The following STAB2 variants were observed in gnomAD, a reference collection of about 807,000 sequenced individuals.
STAB2 encodes stabilin 2.
Under a neutral mutation model 338.1 loss-of-function variants are expected in STAB2, and 288 were observed. The ratio of observed to expected loss-of-function variants is 0.85; its 90% CI spans 0.77 to 0.94. The LOEUF (loss-of-function observed/expected upper bound fraction) is 0.94, where lower values mean the gene tolerates loss of function less well. Among genes scored for constraint, STAB2 ranks in the 40% least tolerant of loss-of-function variants. STAB2 has a pLI of 0.00. For missense variants in STAB2, 3,141 were observed against 3,210.1 expected (o/e 0.98, Z 0.52); for synonymous variants, 1,202 against 1,193.3 (o/e 1.01, Z -0.15).
intron 36 of STAB2, 70 bp from the exon 37 acceptor site, chr12:103,705,562 C>A: frequency 7.6e-7 from 1 of 1,323,056 alleles, no homozygotes; most frequent in Non-Finnish European, 1.1e-6. Context: ...CATCACCCAC[C>A]TACTTGCTTT....
chr12:103,596,789 C>T (rs10861044), intron 3 of STAB2, among the ~76,000 whole-genome samples: 48,732 of 151,666 alleles, frequency 0.32, 9,952 homozygotes, highest in African/African-American at 0.58. Flanking sequence ...TCCACATCTA[C>T]AACCAAAAGA....
chr12:103,655,043 G>A (rs1874075273), intron 13 of STAB2, among the ~76,000 whole-genome samples: 1 of 152,162 alleles, frequency 6.6e-6, no homozygotes, highest in African/African-American at 2.4e-5. Flanking sequence ...AGATGATGAG[G>A]GCCAAAGGAT....
intron 1 of STAB2, among the ~76,000 whole-genome samples, chr12:103,588,303 G>A (rs1239527608): frequency 6.6e-6 from 1 of 152,188 alleles, no homozygotes; most frequent in African/African-American, 2.4e-5. Context: ...ATGGCTAAGT[G>A]CTCCAGCTTT....
At position 103,763,578 on chromosome 12, in the gene STAB2, TC is replaced by T; in HGVS notation, c.7580del (p.Pro2527GlnfsTer22). 6.2e-7 allele frequency: 1 copy of T among 1,613,998 alleles called. No homozygotes were observed. The highest frequency in any genetic ancestry group is 1.1e-5 in the South Asian group (1 of 91,068). On this transcript the variant is annotated frameshift_variant, in exon 68 of 69. Transcript: ENST00000388887. LOFTEE classifies it low-confidence loss of function (END_TRUNC). ...NPLYESTTSA[P>X]PEPSYDPFTD... Reference sequence around the variant, plus strand: ...CCTTGTATGAGAGCACAACCTCAGCTCCCCCAGAACCTTCCTACGACCCCTT... The same window carrying T: ...CCTTGTATGAGAGCACAACCTCAGCTCCCCAGAACCTTCCTACGACCCCTT...
At chr12:103,603,452 C>G (rs922017568) in intron 3 of STAB2, among the ~76,000 whole-genome samples, 3 of 152,150 alleles carry the variant, frequency 2.0e-5, no homozygotes, top group African/African-American at 7.2e-5. Context: ...AAAACTCCAG[C>G]AACATTTCTT....
At position 103,703,128 on chromosome 12, in the gene STAB2, T is replaced by C. The variant is rs759056470; in HGVS notation, c.3715-20T>C. 1.6e-5 allele frequency: 26 copies of C among 1,607,450 alleles called. No homozygotes were observed. The highest frequency in any genetic ancestry group is 2.2e-5 in the East Asian group (1 of 44,858). ...TCTTTAAATGTCATAAAAAGTGACA[T>C]TTAACCCTGTTGTTCACAGCTCTAT... is the stretch of plus-strand genomic sequence containing the variant. On this transcript the variant is annotated intron_variant, in intron 34 of 68. Transcript: ENST00000388887.
rs750426162 is a variant in STAB2, at chr12:103,749,100, G to A, written c.6382G>A (p.Ala2128Thr). 8 of 1,613,794 alleles carry A rather than the reference G, an allele frequency of 5.0e-6. No homozygotes were observed. The East Asian group carries it at 8.9e-5, about 18-fold the overall frequency. Residue 2128 changes from alanine (A) to threonine (T), a missense_variant, in exon 59 of 69, where the codon GCA (alanine) becomes ACA (threonine). Transcript: ENST00000388887. Reference sequence around the variant, plus strand: ...CAGCTGCACAGAGATAGACCCCTGTGCAGACGGCCTTAACGGAGGGTGTCA... The same window carrying A: ...CAGCTGCACAGAGATAGACCCCTGTACAGACGGCCTTAACGGAGGGTGTCA... The part of the protein sequence containing the change: ...GHSCTEIDPC[A>T]DGLNGGCHEH...
chr12:103,601,981 A>C (rs1467401607), intron 3 of STAB2, among the ~76,000 whole-genome samples: 2 of 152,190 alleles, frequency 1.3e-5, no homozygotes, highest in African/African-American at 4.8e-5. Flanking sequence ...ATTTATTATC[A>C]TGATTTGCAT....
intron 21 of STAB2, among the ~76,000 whole-genome samples, chr12:103,670,414 C>T (rs1307283244): frequency 3.3e-5 from 5 of 152,180 alleles, no homozygotes; most frequent in Admixed American, 6.5e-5. Flanking sequence ...AGGCCCCTGT[C>T]TTATCACTTA....
intron 60 of STAB2, among the ~76,000 whole-genome samples, chr12:103,751,599 G>T (rs972741319): frequency 2.6e-5 from 4 of 152,166 alleles, no homozygotes; most frequent in Non-Finnish European, 5.9e-5. Flanking sequence ...ATGGGCAGTT[G>T]CTACTTAGCA....
chr12:103,752,400 T>C (rs1883745556), intron 60 of STAB2, among the ~76,000 whole-genome samples: 1 of 152,164 alleles, frequency 6.6e-6, no homozygotes, highest in African/African-American at 2.4e-5. Context: ...AAAAACTTAG[T>C]CTTCTTTGGT....
chr12:103,638,795 G>A (rs570003148), intron 8 of STAB2, among the ~76,000 whole-genome samples: 6 of 152,194 alleles, frequency 3.9e-5, no homozygotes, highest in East Asian at 1.9e-4. Context: ...TAGCACATTC[G>A]TCCATTGAGT....
Position 103,739,428 on chromosome 12 carries a change from G to A in STAB2, c.5714G>A (p.Cys1905Tyr), listed in dbSNP as rs778779901. 5 of 1,594,616 alleles carry A rather than the reference G, an allele frequency of 3.1e-6. No individual in the cohort carries two copies. In the Admixed American group the frequency reaches 5.3e-5, roughly 17 times the overall value. Reference sequence around the variant, plus strand: ...GCATACTAGGGGGAGTGTGGGAGCTGTGTCAATACTCCCAGCTGCCCAAGG... The same window carrying A: ...GCATACTAGGGGGAGTGTGGGAGCTATGTCAATACTCCCAGCTGCCCAAGG... ...TFDASGECGS[C>Y]VNTPSCPRWS... Residue 1905 changes from cysteine (C) to tyrosine (Y), a missense_variant, in exon 54 of 69, where the codon TGT becomes TAT. Coordinates refer to ENST00000388887, the MANE Select transcript of STAB2 (RefSeq NM_017564.10).
chr12:103,619,701 G>A (rs1000914735), intron 3 of STAB2, among the ~76,000 whole-genome samples: 1 of 151,576 alleles, frequency 6.6e-6, no homozygotes, highest in African/African-American at 2.4e-5. Context: ...ACCATACTAG[G>A]CACTTCATTA....
intron 7 of STAB2, 104 bp from the exon 8 acceptor site, chr12:103,637,912 C>A: frequency 1.7e-6 from 2 of 1,180,802 alleles, no homozygotes; most frequent in Non-Finnish European, 2.4e-6. Flanking sequence ...TCTTTGAAAA[C>A]TGTGAGTTGC....
At chr12:103,732,856 CT>C (rs1010574010) in intron 50 of STAB2, 149 bp from the exon 51 acceptor site, 25 of 826,364 alleles carry the variant, frequency 3.0e-5, no homozygotes, top group Non-Finnish European at 4.4e-5. Context: ...TGATGGGCTT[CT>C]AGTTTCTCTA....
At chr12:103,707,018 G>C (rs1879428086) in intron 38 of STAB2, 31 bp downstream of exon 38, 1 of 1,607,758 alleles carries the variant, frequency 6.2e-7, no homozygotes, top group African/African-American at 1.3e-5. Context: ...AGAGGATCTT[G>C]GGCTGCTGAA....
In STAB2 at chr12:103,713,763, G is replaced by T. The variant is rs753650592; in HGVS notation, c.4532G>T (p.Cys1511Phe). 3 of 1,613,774 alleles carry T rather than the reference G, an allele frequency of 1.9e-6. No individual in the cohort carries two copies. Among genetic ancestry groups the T allele is most frequent in the Non-Finnish European group, 8.5e-7 (1 of 1,179,784 alleles). The change falls in exon 42 of 69, where the codon TGC becomes TTC. Residue 1511 changes from cysteine to phenylalanine, a missense_variant. Transcript: ENST00000388887. ...GGCTACACGGGTGATGGCATTGTGTGCCTGGGTAGGTGTCCTTCCCTCTTC... is the reference window on the plus strand; with the variant it reads ...GGCTACACGGGTGATGGCATTGTGTTCCTGGGTAGGTGTCCTTCCCTCTTC... ...KAGYTGDGIVCLEINPCLENH... is the reference protein window; with the variant it reads ...KAGYTGDGIVFLEINPCLENH...
At chr12:103,696,193 G>T (rs1878391321) in intron 33 of STAB2, among the ~76,000 whole-genome samples, 1 of 152,128 alleles carries the variant, frequency 6.6e-6, no homozygotes, top group Non-Finnish European at 1.5e-5. Flanking sequence ...CCATCACTCT[G>T]GTTCTAGCCC....
Sources: allele counts gnomAD v4.1 joint callset (sites outside exome capture counted in the v4.1 genomes callset), GRCh38; gene constraint gnomAD v4.1.1; transcripts MANE v1.5; gene names NCBI Gene and HGNC (gene_info 2026-07-23, HGNC 2026-07-21).